Variants in ANXA8 observed in about 807,000 individuals in gnomAD.
ANXA8 encodes the protein annexin A8, also known as VAC-beta.
Under a neutral mutation model 26.8 loss-of-function variants are expected in ANXA8, and 9 were observed. The ratio of observed to expected loss-of-function variants is 0.34; its 90% CI spans 0.20 to 0.59. ANXA8 has a LOEUF of 0.59. Among genes scored for constraint, ANXA8 ranks in the 20% least tolerant of loss-of-function variants. The probability of loss-of-function intolerance (pLI) is 0.84; values close to 1 mark genes in which losing one functional copy is unlikely to be tolerated. For synonymous variants in ANXA8, 39 were observed against 94.8 expected, an observed-to-expected ratio of 0.41 and a Z score of 3.42; for missense variants, 83 against 238.5, an observed-to-expected ratio of 0.35 and a Z score of 4.29.
chr10:47,949,279 G>A, the ANXA8 span, among the ~76,000 whole-genome samples: 1 of 148,000 alleles, frequency 6.8e-6, no homozygotes, highest in Admixed American at 6.7e-5. Context: ...ATTGTAAAGA[G>A]AGCACTAATA....
At chr10:47,760,910 C>G in the ANXA8 span, 1 of 1,497,188 alleles carries the variant, frequency 6.7e-7, no homozygotes, top group African/African-American at 1.4e-5. Flanking sequence ...GGGGGCACCA[C>G]GAATGGCACA....
the ANXA8 span, among the ~76,000 whole-genome samples, chr10:47,535,154 A>C: frequency 7.6e-6 from 1 of 131,072 alleles, no homozygotes; most frequent in African/African-American, 3.4e-5. Flanking sequence ...TTGTATTTTT[A>C]GTAGAGACAG....
the ANXA8 span, among the ~76,000 whole-genome samples, chr10:47,571,446 T>C: frequency 2.0e-5 from 3 of 150,046 alleles, no homozygotes; most frequent in East Asian, 5.8e-4. Flanking sequence ...TCAAATTCGA[T>C]GCTATTTATC....
At chr10:47,685,714 G>A in the ANXA8 span, among the ~76,000 whole-genome samples, 8 of 149,482 alleles carry the variant, frequency 5.4e-5, no homozygotes, top group African/African-American at 2.0e-4. Context: ...CAAGGAGGAA[G>A]AGAGAGAGAG....
intron 1 of ANXA8, among the ~76,000 whole-genome samples, chr10:47,482,063 T>G (rs1394234585): frequency 3.6e-5 from 5 of 140,126 alleles, no homozygotes; most frequent in Non-Finnish European, 7.7e-5. Flanking sequence ...AAAAGAGAGG[T>G]GCAGATGGAC....
At chr10:47,668,094 GA>G in the ANXA8 span, among the ~76,000 whole-genome samples, 1 of 150,952 alleles carries the variant, frequency 6.6e-6, no homozygotes, top group Admixed American at 6.6e-5. Context: ...ACATTTTCTT[GA>G]ATTATTTCAC....
the ANXA8 span, among the ~76,000 whole-genome samples, chr10:47,673,328 A>G: frequency 6.6e-6 from 1 of 151,652 alleles, no homozygotes; most frequent in Admixed American, 6.6e-5. Flanking sequence ...AAAATCCAGC[A>G]GAGGCTCTCC....
the ANXA8 span, among the ~76,000 whole-genome samples, chr10:47,571,092 C>A: frequency 7.2e-6 from 1 of 139,504 alleles, no homozygotes; most frequent in Non-Finnish European, 1.5e-5. Flanking sequence ...TAATAGCCTT[C>A]ATAATTTTCA....
the ANXA8 span, among the ~76,000 whole-genome samples, chr10:47,939,622 T>C: frequency 9.6e-5 from 14 of 145,218 alleles, no homozygotes; most frequent in Non-Finnish European, 1.8e-4. Context: ...CACACATACC[T>C]CAAGTGCAAG....
chr10:47,528,271 G>T, the ANXA8 span, among the ~76,000 whole-genome samples: 1 of 142,318 alleles, frequency 7.0e-6, no homozygotes, highest in South Asian at 2.2e-4. Context: ...AGTAAAGATG[G>T]GGTTTCAACG....
chr10:47,914,934 C>T, the ANXA8 span, among the ~76,000 whole-genome samples: 4 of 152,272 alleles, frequency 2.6e-5, no homozygotes, highest in African/African-American at 7.2e-5. Flanking sequence ...TTCATCTTGA[C>T]CTATCTCCTT....
the ANXA8 span, among the ~76,000 whole-genome samples, chr10:47,652,373 GA>G: frequency 4.6e-3 from 700 of 151,864 alleles, 11 homozygotes; most frequent in African/African-American, 0.016. Context: ...GAGGCGAGTG[GA>G]TCACTTGAGG....
chr10:47,587,784 G>A, the ANXA8 span, among the ~76,000 whole-genome samples: 6 of 146,494 alleles, frequency 4.1e-5, 1 homozygote, highest in South Asian at 1.2e-3. Context: ...TGCTGGGAAG[G>A]AGACAGAATA....
the ANXA8 span, chr10:47,507,691 A>C: frequency 8.7e-7 from 1 of 1,143,632 alleles, no homozygotes; most frequent in South Asian, 1.3e-5. Flanking sequence ...CCTGAAATTC[A>C]AATCTTCTAG....
At chr10:47,495,052 A>T in the ANXA8 span, among the ~76,000 whole-genome samples, 1 of 149,500 alleles carries the variant, frequency 6.7e-6, no homozygotes, top group African/African-American at 2.5e-5. Context: ...CTGAGCGAAT[A>T]ACCACCTCTC....
At chr10:47,676,710 G>C in the ANXA8 span, among the ~76,000 whole-genome samples, 1 of 151,466 alleles carries the variant, frequency 6.6e-6, no homozygotes, top group Non-Finnish European at 1.5e-5. Flanking sequence ...ACAAGGTCAA[G>C]AGGTCGAGAC....
the ANXA8 span, among the ~76,000 whole-genome samples, chr10:47,668,212 T>C: frequency 1.3e-5 from 2 of 151,370 alleles, no homozygotes; most frequent in African/African-American, 4.9e-5. Flanking sequence ...TTGCCATCTC[T>C]TTGATTCCTT....
At chr10:47,704,849 T>C in the ANXA8 span, among the ~76,000 whole-genome samples, 4 of 152,006 alleles carry the variant, frequency 2.6e-5, no homozygotes, top group Non-Finnish European at 4.4e-5. Flanking sequence ...AATTTTTAAA[T>C]GAAGAAAAAC....
At chr10:47,566,223 G>A in the ANXA8 span, among the ~76,000 whole-genome samples, 1 of 151,844 alleles carries the variant, frequency 6.6e-6, no homozygotes, top group African/African-American at 2.4e-5. Flanking sequence ...TTACTGTCTG[G>A]TATTTAAACC....
Sources: gnomAD v4.1 joint callset for allele counts (sites outside exome capture counted in the v4.1 genomes callset) on GRCh38, gnomAD v4.1.1 for gene constraint, MANE v1.5 for transcripts, NCBI Gene and HGNC (gene_info 2026-07-23, HGNC 2026-07-21) for gene names.